PCM1: variants seen among roughly 807,000 people sequenced by gnomAD.
PCM1 encodes pericentriolar material 1, also known as pericentriolar material 1 protein.
Under a neutral mutation model 241.9 loss-of-function variants are expected in PCM1, and 157 were observed. The observed-to-expected ratio is 0.65, with a 90% CI of 0.57 to 0.74. PCM1 has a LOEUF of 0.74. Ranked by LOEUF, PCM1 falls within the 30% of genes least tolerant of loss-of-function variation. The pLI, the probability that PCM1 is intolerant of heterozygous loss-of-function variation, is 0.00. For missense variants in PCM1, 3,478 were observed against 2,360.1 expected, an observed-to-expected ratio of 1.47 and a Z score of -9.81; for synonymous variants, 1,085 against 784.9, an observed-to-expected ratio of 1.38 and a Z score of -6.39.
At position 18,013,965 on chromosome 8, in the gene PCM1, T is replaced by A. The variant is rs1588525773; in HGVS notation, c.5513T>A (p.Val1838Asp). ...TATTAAAACATTTTTCCCTTCTAGG[T>A]CCTACAACGTGACTTTAAAAAGACA... Reference protein sequence around the residue: ...ATEENEHDEQVLQRDFKKTAE... With the variant: ...ATEENEHDEQDLQRDFKKTAE... Residue 1838 changes from valine (V) to aspartate (D), a missense_variant and splice_region_variant, in exon 35 of 39, where the codon GTC becomes GAC. Coordinates refer to ENST00000325083, the MANE Select transcript of PCM1 (RefSeq NM_006197.4). 1.3e-6 allele frequency: 2 copies of A among 1,591,800 alleles called. No homozygotes were observed. Among genetic ancestry groups the A allele is most frequent in the African/African-American group, 1.3e-5 (1 of 74,136 alleles).
chr8:17,939,742 A>T lies in PCM1; in HGVS notation c.664A>T (p.Met222Leu), dbSNP rs1288995768. The T allele has an allele frequency of 1.9e-6, 3 of 1,560,030 alleles. No homozygotes were observed. The highest frequency in any genetic ancestry group is 2.3e-5 in the East Asian group (1 of 42,704). Residue 222 changes from methionine to leucine, a missense_variant, in exon 6 of 39, where the codon ATG (methionine) becomes TTG (leucine). Transcript: ENST00000325083. The part of the protein sequence containing the change: ...IRDYITKASS[M>L]REDLVEKNER... ...CGATTATATTACTAAAGCTAGTTCC[A>T]TGCGGGAAGATCTTGTAGAGAAAAA...
At chr8:17,995,254 G>A (rs1312205950) in intron 29 of PCM1, among the ~76,000 whole-genome samples, 2 of 151,458 alleles carry the variant, frequency 1.3e-5, no homozygotes, top group African/African-American at 4.9e-5. Context: ...TGGATATCCA[G>A]TTACCCCAGC....
In PCM1 at chr8:17,962,042, T is replaced by C. The variant is rs756590959; in HGVS notation, c.2331T>C (p.Ala777=). ...TGTGAATTCCTTTTTAGCTGTCAGCTGCTAGTGTGGGTAACTGTCCCACCA... is the reference window on the plus strand; with the variant it reads ...TGTGAATTCCTTTTTAGCTGTCAGCCGCTAGTGTGGGTAACTGTCCCACCA... ...QTACPDLQLS[A]ASVGNCPTKK... is the part of the protein sequence containing the mutation. The change falls in exon 16 of 39, where the codon GCT becomes GCC. Residue 777 remains alanine, a synonymous_variant. Transcript: ENST00000325083. 2 of 1,609,364 alleles carry C rather than the reference T, an allele frequency of 1.2e-6. No individual in the cohort carries two copies.
intron 16 of PCM1, 122 bp from the exon 17 acceptor site, chr8:17,962,979 G>T: frequency 3.1e-6 from 2 of 647,954 alleles, no homozygotes; most frequent in South Asian, 2.1e-5. Context: ...ACATGTTAGT[G>T]TGAAAAGGAG....
intron 1 of PCM1, among the ~76,000 whole-genome samples, chr8:17,923,937 C>T (rs894362176): frequency 6.6e-6 from 1 of 152,010 alleles, no homozygotes; most frequent in Non-Finnish European, 1.5e-5. Context: ...GGAGGCTGGG[C>T]GCGCCAACTT....
At chr8:17,932,576 A>T (rs182433498) in intron 2 of PCM1, among the ~76,000 whole-genome samples, 2 of 152,024 alleles carry the variant, frequency 1.3e-5, no homozygotes, top group Non-Finnish European at 2.9e-5. Flanking sequence ...ATTTTTTTAA[A>T]ACAAATTCTC....
chr8:17,968,762 G>GTGTGTGTGTGTATATA (rs373502456), intron 21 of PCM1, among the ~76,000 whole-genome samples: 27 of 136,778 alleles, frequency 2.0e-4, no homozygotes, highest in African/African-American at 6.9e-4. Context: ...GTGTGTGTGT[G>GTGTGTGTGTGTATATA]TATATATATA....
At chr8:17,925,785 C>G (rs1353911842) in intron 2 of PCM1, 2 of 152,046 alleles carry the variant, frequency 1.3e-5, no homozygotes, top group East Asian at 3.9e-4. Context: ...TGCAGTGAGC[C>G]AAGATTGTGC....
chr8:17,943,308 G>A (rs1752197646), intron 6 of PCM1, among the ~76,000 whole-genome samples: 1 of 151,448 alleles, frequency 6.6e-6, no homozygotes, highest in African/African-American at 2.4e-5. Context: ...AATTAGTTAT[G>A]GGAATCTTAT....
Position 18,025,534 on chromosome 8 carries a change from C to G in PCM1, c.5935-10C>G. The G allele has an allele frequency of 6.4e-7, 1 of 1,551,362 alleles. No homozygotes were observed. On this transcript the variant is annotated splice_polypyrimidine_tract_variant and intron_variant, in intron 37 of 38. Transcript: ENST00000325083. ...AAAAATGATTTGTATTTTTAATTTT[C>G]ATTCCAAAGGCAGATCTAAGAAAGA...
rs767534553 is a variant in PCM1, at chr8:17,993,575, C to G, written c.4783C>G (p.Arg1595Gly). ...CPRIDTQQLD[R>G]QIKAIMKEVI... The stretch of plus-strand genomic sequence containing the variant: ...TAGAATTGATACTCAGCAGCTGGAC[C>G]GGCAAATTAAAGCAATTATGAAAGA... Residue 1595 changes from arginine to glycine, a missense_variant, in exon 29 of 39, where the codon CGG (arginine) becomes GGG (glycine). Transcript: ENST00000325083. 3 of 1,595,292 alleles carry G rather than the reference C, an allele frequency of 1.9e-6. No homozygotes were observed. Among genetic ancestry groups the G allele is most frequent in the African/African-American group, 2.7e-5 (2 of 74,530 alleles).
intron 17 of PCM1, 47 bp from the exon 18 acceptor site, chr8:17,964,521 T>C: frequency 6.9e-7 from 1 of 1,456,896 alleles, no homozygotes; most frequent in Non-Finnish European, 9.5e-7. Flanking sequence ...GCAGAGTATT[T>C]AACTTATCTC....
chr8:17,972,852 C>G (rs1414593026), intron 23 of PCM1, among the ~76,000 whole-genome samples, 165 bp downstream of exon 23: 1 of 151,784 alleles, frequency 6.6e-6, no homozygotes, highest in Non-Finnish European at 1.5e-5. Context: ...TTTTTTTTTA[C>G]AAAATAATAT....
intron 6 of PCM1, among the ~76,000 whole-genome samples, chr8:17,944,939 A>G (rs2063305817): frequency 1.3e-5 from 2 of 152,172 alleles, no homozygotes; most frequent in African/African-American, 4.8e-5. Context: ...TGTGACTAAT[A>G]AGGATTAAAG....
rs182902480 is a variant in PCM1, at chr8:18,004,033, G to C, written c.4828-2230G>C. Among the ~76,000 whole-genome samples, 4 of 150,454 alleles carry C rather than the reference G, an allele frequency of 2.7e-5. No individual in the cohort carries two copies. In the East Asian group the frequency reaches 5.8e-4, roughly 22 times the overall value. On this transcript the variant is annotated intron_variant, in intron 29 of 38. Coordinates refer to ENST00000325083, the MANE Select transcript of PCM1 (RefSeq NM_006197.4). ...TAGTAATATTTATTTGATATGTACAGTTACTTTATAAGGGTTAAAAAAAAA... is the reference window on the plus strand; with the variant it reads ...TAGTAATATTTATTTGATATGTACACTTACTTTATAAGGGTTAAAAAAAAA...
In PCM1 at chr8:17,953,087, T is replaced by C; in HGVS notation, c.1189T>C (p.Phe397Leu). ...ERLPDEKVEL[F>L]SKMRVLQEKK... Reference sequence around the variant, plus strand: ...TTTACCTGATGAGAAAGTCGAACTTTTTAGCAAAATGAGAGTGCTACAGGA... The same window carrying C: ...TTTACCTGATGAGAAAGTCGAACTTCTTAGCAAAATGAGAGTGCTACAGGA... Residue 397 changes from phenylalanine (F) to leucine (L), a missense_variant, in exon 9 of 39, where the codon TTT (phenylalanine) becomes CTT (leucine). By Grantham distance (22) the Phe-to-Leu change is conservative. Coordinates refer to ENST00000325083, the MANE Select transcript of PCM1 (RefSeq NM_006197.4). The C allele has an allele frequency of 4.4e-6, 7 of 1,603,852 alleles. No homozygotes were observed. Among genetic ancestry groups the C allele is most frequent in the Middle Eastern group, 1.7e-4 (1 of 6,050 alleles).
chr8:17,952,395 T>C (rs1319490349), intron 8 of PCM1, among the ~76,000 whole-genome samples: 4 of 152,154 alleles, frequency 2.6e-5, no homozygotes, highest in African/African-American at 7.2e-5. Context: ...GGCATTGTTA[T>C]TACTTTTGAT....
chr8:17,991,405 A>G, intron 27 of PCM1, 137 bp from the exon 28 acceptor site: 1 of 615,066 alleles, frequency 1.6e-6, no homozygotes, highest in Non-Finnish European at 2.8e-6. Context: ...GAAGTGCTCA[A>G]GTAGTATAGT....
chr8:17,935,922 T>C (rs996302741), intron 3 of PCM1, among the ~76,000 whole-genome samples: 2 of 152,180 alleles, frequency 1.3e-5, no homozygotes, highest in African/African-American at 4.8e-5. Flanking sequence ...GATGTAAAAG[T>C]GTTTTTTTTA....
Sources: gnomAD v4.1 joint callset for allele counts (sites outside exome capture counted in the v4.1 genomes callset) on GRCh38, gnomAD v4.1.1 for gene constraint, MANE v1.5 for transcripts, NCBI Gene and HGNC (gene_info 2026-07-23, HGNC 2026-07-21) for gene names.